The following IL1RAPL2 variants were observed in gnomAD, a reference collection of about 807,000 sequenced individuals.
The protein encoded by IL1RAPL2 is interleukin 1 receptor accessory protein like 2.
A neutral mutation model predicts 44.1 loss-of-function variants in IL1RAPL2; 3 were observed. The observed-to-expected ratio is 0.07, with a 90% CI of 0.03 to 0.18. The LOEUF (loss-of-function observed/expected upper bound fraction) is 0.18, where lower values mean the gene tolerates loss of function less well. IL1RAPL2 is among the 10% of genes least tolerant of loss of function. IL1RAPL2 has a pLI of 1.00. For synonymous variants in IL1RAPL2, 181 were observed against 178.8 expected (o/e 1.01, Z -0.10); for missense variants, 391 against 496.4 (o/e 0.79, Z 2.02).
intron 6 of IL1RAPL2, among the ~76,000 whole-genome samples, chrX:105,515,822 C>G (rs947167485): frequency 5.4e-5 from 6 of 111,923 alleles, no homozygotes; most frequent in Non-Finnish European, 1.1e-4. Context: ...CCCTTGACAT[C>G]TGCTTTGTGG....
intron 2 of IL1RAPL2, among the ~76,000 whole-genome samples, chrX:105,087,956 T>G (rs963469210): frequency 8.9e-5 from 10 of 112,390 alleles, no homozygotes; most frequent in Non-Finnish European, 1.5e-4. Flanking sequence ...CCTGCCATAG[T>G]TCGATTAGAG....
intron 2 of IL1RAPL2, among the ~76,000 whole-genome samples, chrX:105,011,347 A>T (rs778063297): frequency 9.0e-6 from 1 of 111,440 alleles, no homozygotes; most frequent in South Asian, 3.7e-4. Context: ...CTTGCTTTTT[A>T]GTTGCTTCTT....
At chrX:104,669,797 G>T (rs1166322108) in intron 2 of IL1RAPL2, among the ~76,000 whole-genome samples, 1 of 111,541 alleles carries the variant, frequency 9.0e-6, no homozygotes, top group Non-Finnish European at 1.9e-5. Context: ...ATCTTCCCTT[G>T]GCTGTCCCAC....
intron 6 of IL1RAPL2, among the ~76,000 whole-genome samples, chrX:105,670,900 T>A (rs2037818829): frequency 9.4e-6 from 1 of 106,903 alleles, no homozygotes; most frequent in African/African-American, 3.4e-5. Flanking sequence ...TGTATATATA[T>A]TATATATATA....
At chrX:105,030,655 A>G (rs1408007519) in intron 2 of IL1RAPL2, among the ~76,000 whole-genome samples, 1 of 111,423 alleles carries the variant, frequency 9.0e-6, no homozygotes, top group East Asian at 2.8e-4. Context: ...GTAGCCTTGT[A>G]GTGTAGTTTG....
intron 2 of IL1RAPL2, among the ~76,000 whole-genome samples, chrX:104,687,005 G>A (rs932882122): frequency 8.9e-6 from 1 of 111,938 alleles, no homozygotes; most frequent in Non-Finnish European, 1.9e-5. Flanking sequence ...CGTACAATAG[G>A]TGCTACACGA....
At chrX:105,074,961 T>C (rs2032269748) in intron 2 of IL1RAPL2, among the ~76,000 whole-genome samples, 1 of 111,401 alleles carries the variant, frequency 9.0e-6, no homozygotes, top group African/African-American at 3.3e-5. Flanking sequence ...TGGGGTTTTC[T>C]AGATATACAA....
At chrX:105,099,809 C>G (rs1402820491) in intron 2 of IL1RAPL2, among the ~76,000 whole-genome samples, 1 of 110,353 alleles carries the variant, frequency 9.1e-6, no homozygotes, top group Non-Finnish European at 1.9e-5. Flanking sequence ...AACTCACTCA[C>G]TATCATGAGG....
rs192296783 is a variant in IL1RAPL2, at chrX:105,276,548, G to C, written c.697+9007G>C. On this transcript the variant is annotated intron_variant, in intron 5 of 10. Transcript: ENST00000372582. ...TACTAGCTGTACTGACTCAACCCTA[G>C]CTGATTGCTGCCATGTGAGATTGAG... is the stretch of plus-strand genomic sequence containing the variant. Among the ~76,000 whole-genome samples the C allele has an allele frequency of 2.7e-5, 3 of 112,680 alleles. No individual in the cohort carries two copies. The East Asian group carries it at 8.4e-4, about 32-fold the overall frequency.
intron 2 of IL1RAPL2, among the ~76,000 whole-genome samples, chrX:104,715,686 A>AG (rs1485941276): frequency 9.1e-6 from 1 of 109,409 alleles, no homozygotes; most frequent in Non-Finnish European, 1.9e-5. Flanking sequence ...TTGCTAAAAA[A>AG]AAAAAATAAT....
At chrX:105,578,123 C>T (rs139052551) in intron 6 of IL1RAPL2, among the ~76,000 whole-genome samples, 4 of 103,434 alleles carry the variant, frequency 3.9e-5, no homozygotes, top group South Asian at 9.6e-4. Context: ...TGAGTGAGAA[C>T]GTGCGGTGTT....
chrX:105,627,781 T>C (rs2037463531), intron 6 of IL1RAPL2, among the ~76,000 whole-genome samples: 1 of 111,675 alleles, frequency 9.0e-6, no homozygotes, highest in Non-Finnish European at 1.9e-5. Context: ...TGGGTGTGAA[T>C]AGGCCCAAAG....
chrX:104,988,262 T>A (rs1441925222), intron 2 of IL1RAPL2, among the ~76,000 whole-genome samples: 1 of 112,313 alleles, frequency 8.9e-6, no homozygotes, highest in Non-Finnish European at 1.9e-5. Flanking sequence ...TTGACAGCTG[T>A]CACCAAGATG....
chrX:104,856,731 T>C (rs930522853), intron 2 of IL1RAPL2, among the ~76,000 whole-genome samples: 4 of 112,230 alleles, frequency 3.6e-5, no homozygotes, highest in African/African-American at 1.3e-4. Flanking sequence ...GTAGCTTTTA[T>C]TGGCCTTTGC....
At chrX:105,762,818 C>A (rs1321733044) in intron 10 of IL1RAPL2, among the ~76,000 whole-genome samples, 1 of 110,825 alleles carries the variant, frequency 9.0e-6, no homozygotes, top group Non-Finnish European at 1.9e-5. Context: ...CTAAATTTGC[C>A]GGAACAAGTC....
intron 10 of IL1RAPL2, among the ~76,000 whole-genome samples, chrX:105,760,396 C>T (rs2038677185): frequency 8.9e-6 from 1 of 112,094 alleles, no homozygotes; most frequent in African/African-American, 3.2e-5. Flanking sequence ...TTTAGGGCTT[C>T]AGAAGAGAGA....
At chrX:104,988,417 T>C (rs1173619875) in intron 2 of IL1RAPL2, among the ~76,000 whole-genome samples, 1 of 112,398 alleles carries the variant, frequency 8.9e-6, no homozygotes, top group African/African-American at 3.2e-5. Context: ...GTAGTTTCTA[T>C]GCATCTTAAT....
At chrX:104,849,014 A>T (rs993651873) in intron 2 of IL1RAPL2, among the ~76,000 whole-genome samples, 1 of 110,029 alleles carries the variant, frequency 9.1e-6, no homozygotes, top group Non-Finnish European at 1.9e-5. Context: ...CTGTTTTATT[A>T]TTTATTTATT....
At chrX:104,756,984 G>A (rs1018765735) in intron 2 of IL1RAPL2, among the ~76,000 whole-genome samples, 2 of 110,620 alleles carry the variant, frequency 1.8e-5, no homozygotes, top group Non-Finnish European at 3.8e-5. Flanking sequence ...AGAGGTAATC[G>A]GGTAACTGGG....
Sources: gnomAD v4.1 joint callset for allele counts (sites outside exome capture counted in the v4.1 genomes callset) on GRCh38, gnomAD v4.1.1 for gene constraint, MANE v1.5 for transcripts, NCBI Gene and HGNC (gene_info 2026-07-23, HGNC 2026-07-21) for gene names.